WASF3: variants seen among roughly 807,000 people sequenced by gnomAD.
The protein encoded by WASF3 is actin-binding protein WASF3.
In WASF3, 11 loss-of-function variants were observed where a neutral mutation model predicts 46.6. The ratio of observed to expected loss-of-function variants is 0.24; its 90% CI spans 0.15 to 0.39. The LOEUF is 0.39. Ranked by LOEUF, WASF3 falls within the 10% of genes least tolerant of loss-of-function variation. The pLI, the probability that WASF3 is intolerant of heterozygous loss-of-function variation, is 1.00. For synonymous variants in WASF3, 242 were observed against 259.7 expected (o/e 0.93, Z 0.65); for missense variants, 576 against 669.8 (o/e 0.86, Z 1.55).
At chr13:26,680,079 T>A in intron 7 of WASF3, 1 of 1,597,680 alleles carries the variant, frequency 6.3e-7, no homozygotes, top group Non-Finnish European at 8.5e-7. Context: ...AGCAAGTAAA[T>A]GTGAGAAAAG....
intron 1 of WASF3, among the ~76,000 whole-genome samples, chr13:26,611,990 C>A (rs928494297): frequency 6.6e-6 from 1 of 152,126 alleles, no homozygotes; most frequent in Non-Finnish European, 1.5e-5. Context: ...GCACAGTTAT[C>A]TGTTTTCTCA....
At chr13:26,666,618 G>A (rs1297213510) in intron 4 of WASF3, among the ~76,000 whole-genome samples, 1 of 152,178 alleles carries the variant, frequency 6.6e-6, no homozygotes, top group East Asian at 1.9e-4. Flanking sequence ...CAGATGAGTT[G>A]GCTGGGCGCG....
intron 2 of WASF3, among the ~76,000 whole-genome samples, chr13:26,628,787 A>T (rs952396897): frequency 6.6e-6 from 1 of 152,282 alleles, no homozygotes; most frequent in Admixed American, 6.5e-5. Flanking sequence ...ACTGGTGCAG[A>T]ATGGGAAGCA....
chr13:26,679,359 C>T lies in WASF3; in HGVS notation c.717-1695C>T, dbSNP rs1345532701. Among the ~76,000 whole-genome samples, 1 of 152,198 alleles carries T rather than the reference C, an allele frequency of 6.6e-6. No individual in the cohort carries two copies. Among genetic ancestry groups the T allele is most frequent in the Admixed American group, 6.5e-5 (1 of 15,286 alleles). On this transcript the variant is annotated intron_variant, in intron 7 of 9. Coordinates refer to ENST00000335327, the MANE Select transcript of WASF3 (RefSeq NM_006646.6). This position sits in a 1 kb window ranked among gnomAD's most constrained non-coding sequence, Gnocchi z 4.8. ...AGCCCCCGTCCTCCTGATGGGCACCCTTCATCAGGGTTCTGCCCTGTAGAA... is the reference window on the plus strand; with the variant it reads ...AGCCCCCGTCCTCCTGATGGGCACCTTTCATCAGGGTTCTGCCCTGTAGAA...
At chr13:26,650,954 G>A (rs151207937) in intron 3 of WASF3, among the ~76,000 whole-genome samples, 344 of 152,238 alleles carry the variant, frequency 2.3e-3, no homozygotes, top group African/African-American at 7.1e-3. Flanking sequence ...AAAAGAGAAG[G>A]AATAGAGCAG....
intron 2 of WASF3, among the ~76,000 whole-genome samples, chr13:26,617,752 A>G (rs1881178403): frequency 6.6e-6 from 1 of 152,110 alleles, no homozygotes; most frequent in Non-Finnish European, 1.5e-5. Context: ...TTCCCACCCA[A>G]AATCTCATGT....
At chr13:26,618,764 G>T (rs1836456639) in intron 2 of WASF3, 2 of 152,198 alleles carry the variant, frequency 1.3e-5, no homozygotes, top group Admixed American at 6.5e-5. Context: ...AGATGGAAAT[G>T]CTAGGGTCCA....
At chr13:26,659,652 C>T (rs778795509) in intron 3 of WASF3, among the ~76,000 whole-genome samples, 9 of 152,052 alleles carry the variant, frequency 5.9e-5, no homozygotes, top group Non-Finnish European at 8.8e-5. Flanking sequence ...TGCCTTGGGA[C>T]AGGGTAGGAT....
At chr13:26,680,321 C>T (rs1297327170) in intron 7 of WASF3, 2 of 1,215,436 alleles carry the variant, frequency 1.6e-6, no homozygotes, top group East Asian at 5.4e-5. Flanking sequence ...GAGCGTGTGA[C>T]TGTCTTACTA....
At chr13:26,589,491 T>TAGTAG (rs1880226945) in intron 1 of WASF3, among the ~76,000 whole-genome samples, 1 of 152,210 alleles carries the variant, frequency 6.6e-6, no homozygotes, top group Non-Finnish European at 1.5e-5. Context: ...GGTAAAGTCT[T>TAGTAG]ACTGAGGTTT....
At position 26,682,567 on chromosome 13, in the gene WASF3, C is replaced by G. The variant is rs1355515147; in HGVS notation, c.984-40C>G. On this transcript the variant is annotated intron_variant, in intron 8 of 9. Coordinates refer to ENST00000335327, the MANE Select transcript of WASF3 (RefSeq NM_006646.6). The surrounding 1 kb of genome is among the most constrained non-coding windows in gnomAD (Gnocchi z 4.4). ...AAGAGCTCCCAGGACGTGACCCTCT[C>G]TTGTTCCCTTGGTGACTATGTGCCT... is the stretch of plus-strand genomic sequence containing the variant. 1 of 1,613,210 alleles carries G rather than the reference C, an allele frequency of 6.2e-7. No individual in the cohort carries two copies. Among genetic ancestry groups the G allele is most frequent in the South Asian group, 1.1e-5 (1 of 90,982 alleles).
rs60865367 is a variant in WASF3 at position 26,606,321 on chromosome 13, C to CGTGTGTGTGTGT, written c.-108-6607_-108-6596dup. ...CTCTTTTTTCTTTTCTCTTTTTTTTCGTGTGTGTGTGTGTGTGTGTGTGTG... is the reference window on the plus strand; with the variant it reads ...CTCTTTTTTCTTTTCTCTTTTTTTTCGTGTGTGTGTGTGTGTGTGTGTGTGTGTGTGTGTGTG... On this transcript the variant is annotated intron_variant, in intron 1 of 9. Coordinates refer to ENST00000335327, the MANE Select transcript of WASF3 (RefSeq NM_006646.6). Among the ~76,000 whole-genome samples, 105 of 132,056 alleles carry CGTGTGTGTGTGT rather than the reference C, an allele frequency of 8.0e-4. 1 individual carries two copies. Among genetic ancestry groups the CGTGTGTGTGTGT allele is most frequent in the Middle Eastern group, 3.8e-3 (1 of 262 alleles). The allele number at this position is 132,056 out of a possible 152,430, so 86.6% of individuals were successfully genotyped here.
At chr13:26,624,370 AAAGG>A (rs1881402054) in intron 2 of WASF3, among the ~76,000 whole-genome samples, 1 of 152,230 alleles carries the variant, frequency 6.6e-6, no homozygotes, top group Non-Finnish European at 1.5e-5. Context: ...CAGAATATAA[AAAGG>A]AACAGTGAAA....
intron 2 of WASF3, among the ~76,000 whole-genome samples, chr13:26,621,363 T>C (rs2137241450): frequency 6.6e-6 from 1 of 152,292 alleles, no homozygotes; most frequent in African/African-American, 2.4e-5. Context: ...TGGTAGTTTC[T>C]GAAAGCCAGC....
intron 4 of WASF3, among the ~76,000 whole-genome samples, chr13:26,666,680 A>G (rs1409667035): frequency 6.6e-6 from 1 of 152,060 alleles, no homozygotes; most frequent in Non-Finnish European, 1.5e-5. Context: ...CAGGCGGATC[A>G]TGAGGTCAGG....
chr13:26,681,439 G>A (rs1593188480), intron 8 of WASF3, 119 bp downstream of exon 8: 2 of 1,216,066 alleles, frequency 1.6e-6, no homozygotes, highest in Non-Finnish European at 2.2e-6. Flanking sequence ...AAGGATGACT[G>A]GATGTAGATA....
chr13:26,615,888 T>C (rs1284920245), intron 2 of WASF3, among the ~76,000 whole-genome samples: 1 of 152,208 alleles, frequency 6.6e-6, no homozygotes, highest in Non-Finnish European at 1.5e-5. Context: ...TATGTAGTAT[T>C]TTCGTCTGGC....
In WASF3 at chr13:26,580,626, C is replaced by CT. The variant is rs5802384; in HGVS notation, c.-109+22822dup. On this transcript the variant is annotated intron_variant, in intron 1 of 9. Coordinates refer to ENST00000335327, the MANE Select transcript of WASF3 (RefSeq NM_006646.6). ...TAGTTTTGAAATTTCTTTTTTCTTT[C>CT]TTTTTTTTTTTTTTTGAGACAGAGT... Among the ~76,000 whole-genome samples, 1,053 of 136,932 alleles carry CT rather than the reference C, an allele frequency of 7.7e-3. 12 individuals are homozygous for CT. The highest frequency in any genetic ancestry group is 0.026 in the African/African-American group (972 of 37,274). The allele number at this position is 136,932 out of a possible 152,430, so 89.8% of individuals were successfully genotyped here.
chr13:26,584,098 TC>T (rs1880061174), intron 1 of WASF3, among the ~76,000 whole-genome samples: 1 of 152,210 alleles, frequency 6.6e-6, no homozygotes, highest in African/African-American at 2.4e-5. Context: ...ATTATGGAGA[TC>T]AAACAAGCAT....
Sources: allele counts gnomAD v4.1 joint callset (sites outside exome capture counted in the v4.1 genomes callset), GRCh38; gene constraint gnomAD v4.1.1; non-coding constraint Gnocchi (gnomAD v3.1); transcripts MANE v1.5; gene names NCBI Gene and HGNC (gene_info 2026-07-23, HGNC 2026-07-21).